SLC6A5: variants seen among roughly 807,000 people sequenced by gnomAD.
SLC6A5 encodes sodium- and chloride-dependent glycine transporter 2.
In SLC6A5, 58 loss-of-function variants were observed where a neutral mutation model predicts 90.5. The ratio of observed to expected loss-of-function variants is 0.64; its 90% confidence interval spans 0.52 to 0.80. The LOEUF (loss-of-function observed/expected upper bound fraction) is 0.80. Ranked by LOEUF, SLC6A5 falls within the 30% of genes least tolerant of loss-of-function variation. The pLI is 0.00. For missense variants in SLC6A5, 1,015 were observed against 1,017.6 expected (o/e 1.00, Z 0.03); for synonymous variants, 427 against 401.4 (o/e 1.06, Z -0.76).
intron 12 of SLC6A5, among the ~76,000 whole-genome samples, chr11:20,638,102 A>G (rs936965547): frequency 2.6e-5 from 4 of 152,256 alleles, no homozygotes; most frequent in African/African-American, 9.6e-5. Flanking sequence ...ATGCAGATAC[A>G]TAGGTGGAAA....
intron 13 of SLC6A5, among the ~76,000 whole-genome samples, chr11:20,642,497 A>G (rs1853333815): frequency 6.6e-6 from 1 of 151,984 alleles, no homozygotes; most frequent in Non-Finnish European, 1.5e-5. Flanking sequence ...GCTAATTCAG[A>G]CGCATTTTTG....
rs1208687334 is a variant in SLC6A5, at chr11:20,628,101, A to G, written c.1499+18A>G. 6.3e-7 allele frequency: 1 copy of G among 1,579,434 alleles called. No individual in the cohort carries two copies. The highest frequency in any genetic ancestry group is 1.1e-5 in the South Asian group (1 of 90,362). On this transcript the variant is annotated intron_variant, in intron 9 of 15. Coordinates refer to ENST00000525748, the MANE Select transcript of SLC6A5 (RefSeq NM_004211.5). ...TGCTACAGGTATGTAGAGGTACTAC[A>G]AGATCTGGGCATAGCTGGTGAGTGG...
At chr11:20,637,346 GGT>G (rs1349375172) in intron 12 of SLC6A5, 43 bp downstream of exon 12, 2 of 1,557,082 alleles carry the variant, frequency 1.3e-6, no homozygotes, top group East Asian at 4.5e-5. Flanking sequence ...GGGGCAGGAG[GGT>G]GGGGGGCCAA....
rs1852462897 is a variant in SLC6A5, at chr11:20,601,136, G to A, written c.11G>A (p.Ser4Asn). 1.3e-6 allele frequency: 2 copies of A among 1,590,586 alleles called. No individual in the cohort carries two copies. The highest frequency in any genetic ancestry group is 1.7e-5 in the Admixed American group (1 of 58,936). MDC[S>N]APKEMNKLPA... is the part of the protein sequence containing the mutation. The stretch of plus-strand genomic sequence containing the variant: ...TTGACATTGTGTTTGCAGGATTGCA[G>A]TGCTCCCAAGGAAATGAATAAACTG... Residue 4 changes from serine to asparagine, a missense_variant, in exon 2 of 16, where the codon AGT becomes AAT. Physicochemically the swap from Ser to Asn is conservative, Grantham distance 46. Around this residue, in one of 3 missense-constraint regions of SLC6A5, gnomAD observed 567 missense variants for 507.3 expected, o/e 1.12. Coordinates refer to ENST00000525748, the MANE Select transcript of SLC6A5 (RefSeq NM_004211.5).
At chr11:20,653,143 G>T (rs374615815) in intron 15 of SLC6A5, among the ~76,000 whole-genome samples, 214 of 152,318 alleles carry the variant, frequency 1.4e-3, no homozygotes, top group African/African-American at 5.0e-3. Context: ...TTATTTATGA[G>T]GAGTCACTTG....
chr11:20,654,873 G>A lies in SLC6A5; in HGVS notation c.*5G>A, dbSNP rs1210118623. 1.9e-6 allele frequency: 3 copies of A among 1,613,986 alleles called. No homozygotes were observed. The highest frequency in any genetic ancestry group is 1.3e-5 in the African/African-American group (1 of 74,926). On this transcript the variant is annotated 3_prime_UTR_variant, in exon 16 of 16. Transcript: ENST00000525748. Reference sequence around the variant, plus strand: ...GAACTGGGCACTCAGTGCTAGTCCAGTGGTGTGGGATGGTCCAGACTTGAT... The same window carrying A: ...GAACTGGGCACTCAGTGCTAGTCCAATGGTGTGGGATGGTCCAGACTTGAT...
chr11:20,634,992 G>C (rs1317926272), intron 10 of SLC6A5, among the ~76,000 whole-genome samples: 1 of 152,080 alleles, frequency 6.6e-6, no homozygotes, highest in Non-Finnish European at 1.5e-5. Flanking sequence ...TTCCCAGTGA[G>C]ACCGTGAGGC....
Position 20,658,855 on chromosome 11 carries a change from G to A in SLC6A5, c.*3987G>A, listed in dbSNP as rs1309457804. On this transcript the variant is annotated 3_prime_UTR_variant, in exon 16 of 16. Transcript: ENST00000525748. ...CTAAAAACTGTTTTGTCTCTCATTT[G>A]TTTGTGGTTTTTGCACTTTATTATG... The A allele has an allele frequency of 6.6e-6, 1 of 151,972 alleles. No homozygotes were observed. The highest frequency in any genetic ancestry group is 1.5e-5 in the Non-Finnish European group (1 of 68,000). The allele number at this position is 151,972 out of a possible 1,614,324, so 9.4% of individuals were successfully genotyped here.
chr11:20,623,316 A>G (rs564229988), intron 7 of SLC6A5, among the ~76,000 whole-genome samples: 100 of 152,056 alleles, frequency 6.6e-4, no homozygotes, highest in African/African-American at 2.3e-3. Flanking sequence ...GTTCATGGCA[A>G]CTCCACCCTT....
In SLC6A5 at chr11:20,626,806, C is replaced by G. The variant is rs553718667; in HGVS notation, c.1359C>G (p.Phe453Leu). 1.9e-6 allele frequency: 3 copies of G among 1,613,984 alleles called. No homozygotes were observed. Among genetic ancestry groups the G allele is most frequent in the South Asian group, 2.2e-5 (2 of 91,070 alleles). Reference protein sequence around the residue: ...LPGAGAGIWYFITPKWEKLTD... With the variant: ...LPGAGAGIWYLITPKWEKLTD... ...GAGCTGGAGCTGGGATCTGGTACTT[C>G]ATCACACCCAAGTGGGAGAAACTCA... Residue 453 changes from phenylalanine to leucine, a missense_variant, in exon 8 of 16, where the codon TTC becomes TTG. Phe to Leu is a conservative substitution (Grantham distance 22). Around this residue, in one of 3 missense-constraint regions of SLC6A5, gnomAD observed 442 missense variants for 494.3 expected, o/e 0.89. Coordinates refer to ENST00000525748, the MANE Select transcript of SLC6A5 (RefSeq NM_004211.5).
rs755130558 is a variant in SLC6A5 at position 20,646,986 on chromosome 11, G to A, written c.2070+52G>A. The A allele has an allele frequency of 2.5e-6, 3 of 1,182,922 alleles. No homozygotes were observed. The Admixed American group carries it at 5.0e-5, about 20-fold the overall frequency. 73.3% of individuals were successfully genotyped at this position (1,182,922 alleles called of 1,614,324 possible). A position where few individuals can be genotyped will look rare whatever the true frequency, so the allele number is the denominator to read the frequency against. Reference sequence around the variant, plus strand: ...CAGACAGCACCTTGCATACGTATGTGGTGTTTTACATTTGAACAGTGCATG... The same window carrying A: ...CAGACAGCACCTTGCATACGTATGTAGTGTTTTACATTTGAACAGTGCATG... On this transcript the variant is annotated intron_variant, in intron 14 of 15. Transcript: ENST00000525748.
In SLC6A5 at chr11:20,636,720, G is replaced by A. The variant is rs185018426; in HGVS notation, c.1737+301G>A. On this transcript the variant is annotated intron_variant, in intron 11 of 15. Transcript: ENST00000525748. ...ATTTTGCCAAAGCAAATTCTTTAGG[G>A]CTGGATAAAGAATAATGTGAAATCA... 4.5e-3 allele frequency among the ~76,000 whole-genome samples: 679 copies of A among 152,268 alleles called. 8 individuals are homozygous for A. The highest frequency in any genetic ancestry group is 0.014 in the Middle Eastern group (4 of 294).
chr11:20,608,164 C>G (rs761620331), intron 5 of SLC6A5, among the ~76,000 whole-genome samples: 1 of 152,190 alleles, frequency 6.6e-6, no homozygotes, highest in Non-Finnish European at 1.5e-5. Flanking sequence ...GGCCAGACTT[C>G]ACAAGATACT....
intron 7 of SLC6A5, among the ~76,000 whole-genome samples, chr11:20,622,169 T>G (rs1369294121): frequency 6.6e-6 from 1 of 152,140 alleles, no homozygotes; most frequent in East Asian, 1.9e-4. Flanking sequence ...ATTCTGAATC[T>G]CCCCTGACAC....
intron 13 of SLC6A5, among the ~76,000 whole-genome samples, chr11:20,645,635 G>GTTTTT (rs150652189): frequency 1.1e-5 from 1 of 94,702 alleles, no homozygotes; most frequent in African/African-American, 4.0e-5. Context: ...ATGATGAAGT[G>GTTTTT]TTTTTTTTTT....
At chr11:20,613,681 C>T (rs1749528077) in intron 5 of SLC6A5, among the ~76,000 whole-genome samples, 1 of 22,926 alleles carries the variant, frequency 4.4e-5, no homozygotes, top group Admixed American at 3.9e-4. Context: ...TTTTAAGAGA[C>T]AGGGTCTTGC....
chr11:20,616,921 T>A (rs1318646744), intron 6 of SLC6A5, among the ~76,000 whole-genome samples: 2 of 152,234 alleles, frequency 1.3e-5, no homozygotes, highest in Non-Finnish European at 2.9e-5. Flanking sequence ...TTCCTTTAGA[T>A]CACAGAAAAA....
At chr11:20,599,700 A>T in intron 1 of SLC6A5, 25 bp downstream of exon 1, 6 of 1,613,874 alleles carry the variant, frequency 3.7e-6, no homozygotes, top group Non-Finnish European at 5.1e-6. Context: ...TTGTTCTTTC[A>T]AGAGGAAAGG....
In SLC6A5 at chr11:20,630,940, C is replaced by G; in HGVS notation, c.1624+125C>G. ...GGATAGAGGGTGGAGGAGCCCAGGT[C>G]CTTCTTTACAGAGGGACCAAGGCAG... On this transcript the variant is annotated intron_variant, in intron 10 of 15. Coordinates refer to ENST00000525748, the MANE Select transcript of SLC6A5 (RefSeq NM_004211.5). 4 of 1,099,260 alleles carry G rather than the reference C, an allele frequency of 3.6e-6. No individual in the cohort carries two copies. The Admixed American group carries it at 8.0e-5, about 22-fold the overall frequency. The allele number at this position is 1,099,260 out of a possible 1,614,324, so 68.1% of individuals were successfully genotyped here.
Sources: allele counts gnomAD v4.1 joint callset (sites outside exome capture counted in the v4.1 genomes callset), GRCh38; gene constraint gnomAD v4.1.1; regional missense constraint gnomAD v4.1.1; transcripts MANE v1.5; gene names NCBI Gene and HGNC (gene_info 2026-07-23, HGNC 2026-07-21).